DMXL1: variants seen among roughly 807,000 people sequenced by gnomAD.
DMXL1 encodes Dmx like 1, also known as dmX-like protein 1.
Under a neutral mutation model 319.2 loss-of-function variants are expected in DMXL1, and 99 were observed. That is an observed-to-expected ratio of 0.31 (90% confidence interval 0.26 to 0.37). The LOEUF (loss-of-function observed/expected upper bound fraction) is 0.37, where lower values mean the gene tolerates loss of function less well. Among genes scored for constraint, DMXL1 ranks in the 10% least tolerant of loss-of-function variants. The pLI, the probability that DMXL1 is intolerant of heterozygous loss-of-function variation, is 1.00. For synonymous variants in DMXL1, 1,385 were observed against 1,235.2 expected (o/e 1.12, Z -2.54); for missense variants, 3,745 against 3,595.6 (o/e 1.04, Z -1.06).
intron 28 of DMXL1, among the ~76,000 whole-genome samples, chr5:119,185,841 GATTAAGAAGTACCTTCA>G (rs968155893): frequency 1.3e-4 from 20 of 152,020 alleles, no homozygotes; most frequent in African/African-American, 4.1e-4. Flanking sequence ...ATTCTTTGAT[GATTAAGAAGTACCTTCA>G]ATTAATTGCT....
chr5:119,117,275 A>G (rs1043865584), intron 7 of DMXL1, among the ~76,000 whole-genome samples: 31 of 152,262 alleles, frequency 2.0e-4, no homozygotes, highest in African/African-American at 7.5e-4. Flanking sequence ...TCCTGAGCTC[A>G]GGCGATCTGC....
At chr5:119,103,096 TAAAA>T (rs201265021) in intron 3 of DMXL1, among the ~76,000 whole-genome samples, 3 of 149,378 alleles carry the variant, frequency 2.0e-5, no homozygotes, top group South Asian at 2.1e-4. Context: ...TTTTTTTTTT[TAAAA>T]AAAAAGAAAG....
intron 19 of DMXL1, among the ~76,000 whole-genome samples, chr5:119,156,421 TGTG>T (rs1167489380): frequency 2.0e-5 from 3 of 152,222 alleles, no homozygotes; most frequent in Non-Finnish European, 4.4e-5. Context: ...TTTGCTTTAT[TGTG>T]GTGGTCTGAA....
At chr5:119,117,471 A>G (rs935045837) in intron 7 of DMXL1, among the ~76,000 whole-genome samples, 1 of 152,088 alleles carries the variant, frequency 6.6e-6, no homozygotes, top group Non-Finnish European at 1.5e-5. Flanking sequence ...TATAGCCAGG[A>G]CAGGGATAGA....
intron 1 of DMXL1, among the ~76,000 whole-genome samples, chr5:119,094,359 C>A (rs1418722089): frequency 1.3e-5 from 2 of 152,176 alleles, no homozygotes; most frequent in Admixed American, 1.3e-4. Flanking sequence ...ACAAGTGGAA[C>A]AACAAAGCCC....
intron 28 of DMXL1, among the ~76,000 whole-genome samples, chr5:119,185,934 T>G (rs1036589836): frequency 6.6e-5 from 10 of 152,260 alleles, no homozygotes; most frequent in African/African-American, 2.4e-4. Context: ...ACATTTAATT[T>G]TGAGGATTTG....
chr5:119,137,134 C>T (rs1041070052), intron 13 of DMXL1, among the ~76,000 whole-genome samples: 1 of 152,254 alleles, frequency 6.6e-6, no homozygotes, highest in Non-Finnish European at 1.5e-5. Flanking sequence ...GAACCCACAC[C>T]TGTGTCAATG....
chr5:119,082,020 T>TATATATATAC (rs1200957102), intron 1 of DMXL1, among the ~76,000 whole-genome samples: 23 of 108,140 alleles, frequency 2.1e-4, no homozygotes, highest in Admixed American at 4.8e-4. Flanking sequence ...TATATATATA[T>TATATATATAC]ACACACACAC....
chr5:119,143,656 G>A (rs1767901577), intron 13 of DMXL1, among the ~76,000 whole-genome samples, 185 bp from the exon 14 acceptor site: 2 of 151,752 alleles, frequency 1.3e-5, no homozygotes, highest in South Asian at 2.1e-4. Context: ...GAGCTGTAAT[G>A]CTTTTTCATT....
At chr5:119,079,419 T>A (rs1165996364) in intron 1 of DMXL1, among the ~76,000 whole-genome samples, 1 of 152,240 alleles carries the variant, frequency 6.6e-6, no homozygotes, top group Non-Finnish European at 1.5e-5. Context: ...ATCTCTACTT[T>A]TTTCTTTCCA....
intron 23 of DMXL1, among the ~76,000 whole-genome samples, chr5:119,168,891 T>C (rs1456435428): frequency 1.3e-5 from 2 of 151,842 alleles, no homozygotes; most frequent in Non-Finnish European, 1.5e-5. Context: ...TTGTCTTGTC[T>C]TTTCTCTTTT....
chr5:119,162,787 G>A (rs965906000), intron 19 of DMXL1, among the ~76,000 whole-genome samples: 1 of 152,174 alleles, frequency 6.6e-6, no homozygotes, highest in Non-Finnish European at 1.5e-5. Context: ...AGAGATAACA[G>A]GAATCCAAAA....
intron 17 of DMXL1, among the ~76,000 whole-genome samples, chr5:119,147,775 T>C (rs974313612): frequency 3.9e-5 from 6 of 152,176 alleles, no homozygotes; most frequent in African/African-American, 1.2e-4. Context: ...TTGCAGACTT[T>C]GATGGTATTG....
intron 28 of DMXL1, among the ~76,000 whole-genome samples, chr5:119,185,695 G>A (rs1029383341): frequency 1.3e-5 from 2 of 151,940 alleles, no homozygotes; most frequent in African/African-American, 2.4e-5. Context: ...TAGAGATGAG[G>A]TTTTGCCATT....
At chr5:119,227,339 GC>G (rs1379673152) in intron 38 of DMXL1, among the ~76,000 whole-genome samples, 26 of 152,108 alleles carry the variant, frequency 1.7e-4, no homozygotes, top group Admixed American at 1.4e-3. Flanking sequence ...TTCTATATAA[GC>G]CTAGCTGAGT....
At chr5:119,185,361 C>G (rs12332720) in intron 28 of DMXL1, among the ~76,000 whole-genome samples, 2 of 152,222 alleles carry the variant, frequency 1.3e-5, no homozygotes, top group African/African-American at 4.8e-5. Context: ...TCACCACTTT[C>G]TATTAAGATA....
chr5:119,247,634 A>C lies in DMXL1; in HGVS notation c.*415A>C. The C allele has an allele frequency of 6.5e-6, 1 of 152,820 alleles. No homozygotes were observed. The highest frequency in any genetic ancestry group is 2.1e-4 in the South Asian group (1 of 4,840). 9.5% of individuals were successfully genotyped at this position (152,820 alleles called of 1,614,324 possible). On this transcript the variant is annotated 3_prime_UTR_variant, in exon 44 of 44. Transcript: ENST00000539542. The stretch of plus-strand genomic sequence containing the variant: ...CTCACTTCCTTTATTAGCCTTATAC[A>C]TCTCAAACTCTTCTCTTAATTAATG...
chr5:119,076,407 T>C (rs1750879401), intron 1 of DMXL1, among the ~76,000 whole-genome samples: 1 of 152,114 alleles, frequency 6.6e-6, no homozygotes, highest in Non-Finnish European at 1.5e-5. Context: ...GTTTGTTTTT[T>C]TTTTCTGAAA....
chr5:119,132,167 A>G lies in DMXL1; in HGVS notation c.1316-965A>G, dbSNP rs577178607. On this transcript the variant is annotated intron_variant, in intron 10 of 43. Transcript: ENST00000539542. The stretch of plus-strand genomic sequence containing the variant: ...ATTGAACCATTCTGGTGATATCCCC[A>G]GATCTCACTAAATAAGAAAAGGCTC... 2.0e-5 allele frequency among the ~76,000 whole-genome samples: 3 copies of G among 152,136 alleles called. No homozygotes were observed. In the East Asian group the frequency reaches 5.8e-4, roughly 30 times the overall value.
Sources: gnomAD v4.1 joint callset for allele counts (sites outside exome capture counted in the v4.1 genomes callset) on GRCh38, gnomAD v4.1.1 for gene constraint, MANE v1.5 for transcripts, NCBI Gene and HGNC (gene_info 2026-07-23, HGNC 2026-07-21) for gene names.